The following CHRM3 variants were observed in gnomAD, a reference collection of about 807,000 sequenced individuals.
CHRM3 encodes the protein cholinergic receptor muscarinic 3, also known as muscarinic acetylcholine receptor M3.
A neutral mutation model predicts 41.8 loss-of-function variants in CHRM3; 11 were observed. That is an observed-to-expected ratio of 0.26 (90% CI 0.17 to 0.44). The LOEUF is 0.44. Among genes scored for constraint, CHRM3 ranks in the 20% least tolerant of loss-of-function variants. The probability of loss-of-function intolerance (pLI) is 1.00; values close to 1 mark genes in which losing one functional copy is unlikely to be tolerated. For synonymous variants in CHRM3, 297 were observed against 301.4 expected (o/e 0.99, Z 0.15); for missense variants, 571 against 745.4 (o/e 0.77, Z 2.72).
chr1:239,880,436 A>G (rs574399120), intron 6 of CHRM3, among the ~76,000 whole-genome samples: 1 of 152,360 alleles, frequency 6.6e-6, no homozygotes, highest in East Asian at 1.9e-4. Flanking sequence ...TTATCTATAT[A>G]GAAGCTTGTG....
intron 1 of CHRM3, among the ~76,000 whole-genome samples, chr1:239,447,279 T>A (rs1278506509): frequency 6.6e-6 from 1 of 152,084 alleles, no homozygotes; most frequent in Non-Finnish European, 1.5e-5. Context: ...AAACATATTA[T>A]TTTAGAAAAA....
intron 4 of CHRM3, among the ~76,000 whole-genome samples, chr1:239,660,234 C>T (rs1673067690): frequency 1.3e-5 from 2 of 152,244 alleles, no homozygotes; most frequent in African/African-American, 2.4e-5. Flanking sequence ...CCTTCTACCT[C>T]GGCCTCCCAA....
chr1:239,738,015 A>G (rs1664531783), intron 5 of CHRM3, among the ~76,000 whole-genome samples: 1 of 151,962 alleles, frequency 6.6e-6, no homozygotes, highest in African/African-American at 2.4e-5. Context: ...CAACAACAAC[A>G]ACAAAAAACT....
rs1558195813 is a variant in CHRM3 at position 239,404,416 on chromosome 1, AAGAAAG to A, written c.-521+17191_-521+17196del. Among the ~76,000 whole-genome samples the A allele has an allele frequency of 1.7e-3, 134 of 78,336 alleles. 1 individual carries two copies. The highest frequency in any genetic ancestry group is 4.7e-3 in the African/African-American group (84 of 18,002). The allele number at this position is 78,336 out of a possible 152,430, so 51.4% of individuals were successfully genotyped here. A position where few individuals can be genotyped will look rare whatever the true frequency, so the allele number is the denominator to read the frequency against. Reference sequence around the variant, plus strand: ...AGAAAGAAAGAAAGAAAGAAAAAGAAAGAAAGAAAGAAAGAAAGAAAGAAAGAAAGA... The same window carrying A: ...AGAAAGAAAGAAAGAAAGAAAAAGAAAAAGAAAGAAAGAAAGAAAGAAAGA... On this transcript the variant is annotated intron_variant, in intron 1 of 6. Transcript: ENST00000676153.
chr1:239,839,062 A>G (rs577088422), intron 6 of CHRM3, among the ~76,000 whole-genome samples: 4 of 152,322 alleles, frequency 2.6e-5, no homozygotes, highest in African/African-American at 7.2e-5. Flanking sequence ...TCCAAAATAC[A>G]TATCTTCTTC....
chr1:239,799,609 C>T (rs912600631), intron 5 of CHRM3, among the ~76,000 whole-genome samples: 4 of 152,150 alleles, frequency 2.6e-5, no homozygotes, highest in African/African-American at 9.7e-5. Flanking sequence ...CACAGCTCTA[C>T]TGTAGACAGC....
rs1409876767 is a variant in CHRM3, at chr1:239,908,820, T to A, written c.1369T>A (p.Ser457Thr). The A allele has an allele frequency of 6.2e-7, 1 of 1,614,136 alleles. No homozygotes were observed. The change falls in exon 7 of 7, where the codon TCC becomes ACC. Residue 457 changes from serine (S) to threonine (T), a missense_variant. Ser to Thr is a moderately conservative substitution (Grantham distance 58). Coordinates refer to ENST00000676153, the MANE Select transcript of CHRM3 (RefSeq NM_001375978.1). The surrounding 1 kb of genome is among the most constrained non-coding windows in gnomAD (Gnocchi z 7.2). ...VGKSTATLPL[S>T]FKEATLAKRF... ...TAAGAGCACGGCCACTCTACCTCTG[T>A]CCTTCAAGGAAGCCACTCTGGCCAA...
chr1:239,660,712 G>A (rs1673118160), intron 4 of CHRM3, among the ~76,000 whole-genome samples: 1 of 152,068 alleles, frequency 6.6e-6, no homozygotes, highest in Admixed American at 6.6e-5. Flanking sequence ...GCAAAACCCA[G>A]TCTCTACTAA....
intron 3 of CHRM3, among the ~76,000 whole-genome samples, chr1:239,580,704 T>TATATATATACACAC (rs570878631): frequency 1.1e-4 from 14 of 131,072 alleles, no homozygotes; most frequent in African/African-American, 4.0e-4. Context: ...TATATATATA[T>TATATATATACACAC]ACACACACAC....
chr1:239,894,622 G>A (rs1196626071), intron 6 of CHRM3, among the ~76,000 whole-genome samples: 5 of 151,652 alleles, frequency 3.3e-5, no homozygotes, highest in South Asian at 2.1e-4. Context: ...TAGTAGAGAC[G>A]GGGTTTCACC....
At chr1:239,461,324 A>T (rs1665343905) in intron 1 of CHRM3, among the ~76,000 whole-genome samples, 1 of 152,204 alleles carries the variant, frequency 6.6e-6, no homozygotes, top group South Asian at 2.1e-4. Flanking sequence ...TTCTGAGAGT[A>T]GATATCAACT....
At chr1:239,714,904 G>C (rs553439793) in intron 5 of CHRM3, among the ~76,000 whole-genome samples, 1 of 152,258 alleles carries the variant, frequency 6.6e-6, no homozygotes. Flanking sequence ...ACATGGCATT[G>C]CATGGGATGA....
chr1:239,506,693 A>G lies in CHRM3; in HGVS notation c.-422+13886A>G, dbSNP rs117837749. 2.4e-4 allele frequency among the ~76,000 whole-genome samples: 37 copies of G among 152,310 alleles called. No individual in the cohort carries two copies. The East Asian group carries it at 4.5e-3, about 18-fold the overall frequency. On this transcript the variant is annotated intron_variant, in intron 2 of 6. Coordinates refer to ENST00000676153, the MANE Select transcript of CHRM3 (RefSeq NM_001375978.1). ...TGTGAGAAGGGGGCCATCGTCCTCC[A>G]GAACCCAGAGTGGTAGAACTACAGA...
intron 1 of CHRM3, among the ~76,000 whole-genome samples, chr1:239,447,893 CT>C (rs1664268347): frequency 6.6e-6 from 1 of 152,154 alleles, no homozygotes; most frequent in African/African-American, 2.4e-5. Context: ...CTTTTAATAT[CT>C]TCTTGTTTTT....
rs1473380556 is a variant in CHRM3, at chr1:239,748,338, G to A, written c.-147+70050G>A. Among the ~76,000 whole-genome samples, 2 of 152,100 alleles carry A rather than the reference G, an allele frequency of 1.3e-5. No homozygotes were observed. The highest frequency in any genetic ancestry group is 2.9e-5 in the Non-Finnish European group (2 of 68,022). ...GCAAACATCACTTCTCTCTTACGAT[G>A]CAGTCAGAATCTTATTGACACTTCT... is the stretch of plus-strand genomic sequence containing the variant. On this transcript the variant is annotated intron_variant, in intron 5 of 6. Coordinates refer to ENST00000676153, the MANE Select transcript of CHRM3 (RefSeq NM_001375978.1). This position sits in a 1 kb window ranked among gnomAD's most constrained non-coding sequence, Gnocchi z 4.3.
intron 3 of CHRM3, among the ~76,000 whole-genome samples, chr1:239,620,289 C>T (rs893261706): frequency 1.3e-5 from 2 of 152,174 alleles, no homozygotes; most frequent in African/African-American, 2.4e-5. Flanking sequence ...TTATCTCCCT[C>T]TTAATGCCAC....
intron 6 of CHRM3, among the ~76,000 whole-genome samples, chr1:239,841,240 A>G (rs1673770595): frequency 1.3e-5 from 2 of 152,220 alleles, no homozygotes; most frequent in African/African-American, 4.8e-5. Flanking sequence ...TTCCTTGAAT[A>G]ATAGCAATAT....
chr1:239,761,501 T>G (rs1042275040), intron 5 of CHRM3, among the ~76,000 whole-genome samples: 1 of 152,242 alleles, frequency 6.6e-6, no homozygotes, highest in Non-Finnish European at 1.5e-5. Flanking sequence ...ACTTTCTGTA[T>G]TCCCCTAAAA....
chr1:239,513,895 G>T (rs929026726), intron 2 of CHRM3, among the ~76,000 whole-genome samples: 1 of 152,016 alleles, frequency 6.6e-6, no homozygotes, highest in African/African-American at 2.4e-5. Flanking sequence ...CGATATCTTT[G>T]TTCCATAGTA....
Sources: gnomAD v4.1 joint callset for allele counts (sites outside exome capture counted in the v4.1 genomes callset) on GRCh38, gnomAD v4.1.1 for gene constraint, Gnocchi (gnomAD v3.1) non-coding constraint, MANE v1.5 for transcripts, NCBI Gene and HGNC (gene_info 2026-07-23, HGNC 2026-07-21) for gene names.